The following ECD variants were observed in gnomAD, a reference collection of about 807,000 sequenced individuals.
The protein encoded by ECD is protein ecdysoneless homolog.
In ECD, 59 loss-of-function variants were observed where a neutral mutation model predicts 77.2. That is an observed-to-expected ratio of 0.76 (90% CI 0.62 to 0.95). The LOEUF (loss-of-function observed/expected upper bound fraction) is 0.95. ECD is among the 40% of genes least tolerant of loss of function. ECD has a pLI of 0.00. For synonymous variants in ECD, 233 were observed against 267.4 expected (o/e 0.87, Z 1.26); for missense variants, 704 against 763.4 (o/e 0.92, Z 0.92).
intron 2 of ECD, among the ~76,000 whole-genome samples, chr10:73,160,880 G>A (rs1275016355): frequency 6.6e-6 from 1 of 152,186 alleles, no homozygotes; most frequent in African/African-American, 2.4e-5. Context: ...TATGTGCAAA[G>A]GCACAGAGGC....
chr10:73,144,586 A>G (rs550460164), intron 9 of ECD, among the ~76,000 whole-genome samples: 1 of 152,296 alleles, frequency 6.6e-6, no homozygotes, highest in Non-Finnish European at 1.5e-5. Flanking sequence ...ATGGTTACAA[A>G]AATTAGTTAA....
In ECD at chr10:73,146,332, C is replaced by G; in HGVS notation, c.1071G>C (p.Arg357=). The change falls in exon 9 of 14, where the codon CGG becomes CGC. Residue 357 remains arginine (R), a synonymous_variant. Coordinates refer to ENST00000372979, the MANE Select transcript of ECD (RefSeq NM_007265.3). ...AATTCTCTGCCATTTCTAGCCTTTC[C>G]CGGTACTGAGCAGAACCTTCTATCA... ...KGLIEGSAQY[R]ERLEMAENYF... The G allele has an allele frequency of 6.2e-6, 10 of 1,610,680 alleles. No homozygotes were observed. Among genetic ancestry groups the G allele is most frequent in the Non-Finnish European group, 7.6e-6 (9 of 1,177,906 alleles).
chr10:73,152,952 C>T lies in ECD; in HGVS notation c.784-531G>A, dbSNP rs780389384. Among the ~76,000 whole-genome samples, 82 of 151,534 alleles carry T rather than the reference C, an allele frequency of 5.4e-4. 1 individual carries two copies. Among genetic ancestry groups the T allele is most frequent in the South Asian group, 2.1e-4 (1 of 4,814 alleles). ...ACCCTACTGCCTACTTTTTAGTAATCGCTAGTAAAATTCTTATCATTAGTT... is the reference window on the plus strand; with the variant it reads ...ACCCTACTGCCTACTTTTTAGTAATTGCTAGTAAAATTCTTATCATTAGTT... On this transcript the variant is annotated intron_variant, in intron 6 of 13. Coordinates refer to ENST00000372979, the MANE Select transcript of ECD (RefSeq NM_007265.3).
chr10:73,145,649 T>C (rs1843114361), intron 9 of ECD, among the ~76,000 whole-genome samples: 1 of 150,870 alleles, frequency 6.6e-6, no homozygotes, highest in Non-Finnish European at 1.5e-5. Flanking sequence ...TGCTGAAATA[T>C]TGTGCAGCTT....
At chr10:73,160,970 CAT>C (rs1178173934) in intron 2 of ECD, among the ~76,000 whole-genome samples, 1 of 152,182 alleles carries the variant, frequency 6.6e-6, no homozygotes, top group Non-Finnish European at 1.5e-5. Flanking sequence ...AGTTTTCAAA[CAT>C]GTGCACTATT....
chr10:73,160,197 A>G (rs1843356834), intron 3 of ECD, among the ~76,000 whole-genome samples: 1 of 151,608 alleles, frequency 6.6e-6, no homozygotes, highest in African/African-American at 2.4e-5. Flanking sequence ...GAGGCAGGAG[A>G]ATCGCTTGAA....
In ECD at chr10:73,134,769, A is replaced by G. The variant is rs776967766; in HGVS notation, c.1749T>C (p.Asp583=). The change falls in exon 14 of 14, where the codon GAT becomes GAC. Residue 583 remains aspartate, a synonymous_variant. Transcript: ENST00000372979. ...QTTDNNSDEE[D]SGTGESVMAP... ...CCATAACAGATTCTCCCGTACCAGAATCTTCCTCATCTGAATTGTTATCGG... is the reference window on the plus strand; with the variant it reads ...CCATAACAGATTCTCCCGTACCAGAGTCTTCCTCATCTGAATTGTTATCGG... 1.2e-6 allele frequency: 2 copies of G among 1,614,210 alleles called. No individual in the cohort carries two copies. The highest frequency in any genetic ancestry group is 1.1e-5 in the South Asian group (1 of 91,086).
At chr10:73,156,482 G>A (rs761159394) in intron 4 of ECD, 29 bp from the exon 5 acceptor site, 1 of 1,608,950 alleles carries the variant, frequency 6.2e-7, no homozygotes, top group South Asian at 1.1e-5. Flanking sequence ...AATTTTCACA[G>A]TGGGCACTGG....
At chr10:73,138,769 G>C (rs1843010461) in intron 11 of ECD, among the ~76,000 whole-genome samples, 1 of 152,152 alleles carries the variant, frequency 6.6e-6, no homozygotes, top group Non-Finnish European at 1.5e-5. Flanking sequence ...GTTTCACCAT[G>C]CTGGCCAGGC....
In ECD at chr10:73,155,346, G is replaced by A. The variant is rs146067419; in HGVS notation, c.591-898C>T. Among the ~76,000 whole-genome samples the A allele has an allele frequency of 4.7e-3, 723 of 152,266 alleles. 5 individuals are homozygous for A. The highest frequency in any genetic ancestry group is 0.023 in the South Asian group (111 of 4,822). On this transcript the variant is annotated intron_variant, in intron 5 of 13. Coordinates refer to ENST00000372979, the MANE Select transcript of ECD (RefSeq NM_007265.3). ...CTCCCAAAGTGCTGGGATTACAGGC[G>A]TGAGCCACCGCGCCCGGCCAAAAAT...
chr10:73,134,730 TA>T lies in ECD; in HGVS notation c.1787del (p.Val596GlufsTer3). ...ATATATTTGAAACCAGGTTCAGGTCTACATCTACTGGTGCCATAACAGATTC... is the reference window on the plus strand; with the variant it reads ...ATATATTTGAAACCAGGTTCAGGTCTCATCTACTGGTGCCATAACAGATTC... ...TGESVMAPVD[V>X]DLNLVSNILE... On this transcript the variant is annotated frameshift_variant, in exon 14 of 14. Transcript: ENST00000372979. LOFTEE classifies it high-confidence loss of function. 1 of 1,614,196 alleles carries T rather than the reference TA, an allele frequency of 6.2e-7. No individual in the cohort carries two copies. Among genetic ancestry groups the T allele is most frequent in the Non-Finnish European group, 8.5e-7 (1 of 1,180,032 alleles).
At chr10:73,160,331 C>T in intron 3 of ECD, 103 bp downstream of exon 3, 1 of 725,748 alleles carries the variant, frequency 1.4e-6, no homozygotes, top group Non-Finnish European at 2.1e-6. Context: ...TGTACAATTT[C>T]CAGCAGACTA....
chr10:73,147,550 C>CAA lies in ECD; in HGVS notation c.1041+724_1041+725dup, dbSNP rs879860653. On this transcript the variant is annotated intron_variant, in intron 8 of 13. Transcript: ENST00000372979. ...AGGCGACAAGAGCAAAACTCCATCT[C>CAA]AAAAAAAAAAAAATACCATATATAT... is the stretch of plus-strand genomic sequence containing the variant. Among the ~76,000 whole-genome samples, 19 of 137,014 alleles carry CAA rather than the reference C, an allele frequency of 1.4e-4. No individual in the cohort carries two copies. The South Asian group carries it at 4.4e-3, about 32-fold the overall frequency. The allele number at this position is 137,014 out of a possible 152,430, so 89.9% of individuals were successfully genotyped here.
At chr10:73,145,194 T>C (rs1843107449) in intron 9 of ECD, among the ~76,000 whole-genome samples, 1 of 152,104 alleles carries the variant, frequency 6.6e-6, no homozygotes, top group Admixed American at 6.6e-5. Context: ...TGAAACCCCA[T>C]CTCTACTAAA....
intron 1 of ECD, among the ~76,000 whole-genome samples, chr10:73,165,404 T>G (rs567229516): frequency 5.3e-5 from 8 of 151,972 alleles, no homozygotes; most frequent in African/African-American, 1.7e-4. Context: ...CAGGCTGGAG[T>G]GCAGTGGAGT....
At chr10:73,145,297 G>C (rs1843108892) in intron 9 of ECD, among the ~76,000 whole-genome samples, 1 of 151,976 alleles carries the variant, frequency 6.6e-6, no homozygotes, top group African/African-American at 2.4e-5. Context: ...CCGGGAGGCA[G>C]AGCACTGCAC....
chr10:73,134,778 A>C lies in ECD; in HGVS notation c.1740T>G (p.Asp580Glu). Residue 580 changes from aspartate (D) to glutamate (E), a missense_variant, in exon 14 of 14, where the codon GAT becomes GAG. Transcript: ENST00000372979. ...ATTCTCCCGTACCAGAATCTTCCTCATCTGAATTGTTATCGGTAGTCTGGG... is the reference window on the plus strand; with the variant it reads ...ATTCTCCCGTACCAGAATCTTCCTCCTCTGAATTGTTATCGGTAGTCTGGG... Reference protein sequence around the residue: ...PVSQTTDNNSDEEDSGTGESV... With the variant: ...PVSQTTDNNSEEEDSGTGESV... The C allele has an allele frequency of 6.2e-7, 1 of 1,614,164 alleles. No individual in the cohort carries two copies. Among genetic ancestry groups the C allele is most frequent in the African/African-American group, 1.3e-5 (1 of 75,032 alleles).
intron 11 of ECD, 113 bp from the exon 12 acceptor site, chr10:73,138,183 G>T: frequency 1.3e-6 from 1 of 741,256 alleles, no homozygotes; most frequent in Non-Finnish European, 1.9e-6. Context: ...TTCTAAGGAG[G>T]CACAGCAAGA....
intron 7 of ECD, among the ~76,000 whole-genome samples, chr10:73,151,687 G>A (rs1449032770): frequency 6.6e-6 from 1 of 151,738 alleles, no homozygotes; most frequent in African/African-American, 2.4e-5. Flanking sequence ...TTAAATTAAA[G>A]GTCACCTGTA....
Sources: gnomAD v4.1 joint callset for allele counts (sites outside exome capture counted in the v4.1 genomes callset) on GRCh38, gnomAD v4.1.1 for gene constraint, MANE v1.5 for transcripts, NCBI Gene and HGNC (gene_info 2026-07-23, HGNC 2026-07-21) for gene names.